The following FIRRM variants were observed in gnomAD, a reference collection of about 807,000 sequenced individuals.
The protein encoded by FIRRM is FIGNL1-interacting regulator of recombination and mitosis.
the FIRRM span, chr1:169,795,335 C>G: frequency 7.1e-7 from 1 of 1,417,654 alleles, no homozygotes; most frequent in Non-Finnish European, 9.3e-7. Flanking sequence ...TGAACCCCCT[C>G]TTTTCTTTGT....
the FIRRM span, chr1:169,847,740 T>G: frequency 2.7e-5 from 43 of 1,613,614 alleles, no homozygotes; most frequent in Middle Eastern, 1.6e-4. Context: ...CTGACTATGT[T>G]CGTTTGGCAA....
the FIRRM span, among the ~76,000 whole-genome samples, chr1:169,817,404 G>A: frequency 6.6e-6 from 1 of 152,164 alleles, no homozygotes; most frequent in African/African-American, 2.4e-5. Flanking sequence ...ATAATTGACT[G>A]GGGATTTTGG....
At chr1:169,803,169 A>C in the FIRRM span, 1 of 1,612,438 alleles carries the variant, frequency 6.2e-7, no homozygotes, top group Non-Finnish European at 8.5e-7. Context: ...TTATTCACAG[A>C]CAATGGTGCA....
chr1:169,795,069 G>T, the FIRRM span: 2 of 1,499,196 alleles, frequency 1.3e-6, no homozygotes, highest in Non-Finnish European at 1.8e-6. Flanking sequence ...GGCTTTGGCG[G>T]GTCTGGTTTG....
chr1:169,851,614 C>G, the FIRRM span: 1 of 642,644 alleles, frequency 1.6e-6, no homozygotes, highest in Non-Finnish European at 2.6e-6. Flanking sequence ...AAAGACAACT[C>G]TATAACTAAC....
chr1:169,816,537 C>T, the FIRRM span, among the ~76,000 whole-genome samples: 1 of 152,298 alleles, frequency 6.6e-6, no homozygotes, highest in East Asian at 1.9e-4. Context: ...GTATAAAGTA[C>T]AGCAAGAATA....
chr1:169,814,960 T>C, the FIRRM span, among the ~76,000 whole-genome samples: 1 of 151,710 alleles, frequency 6.6e-6, no homozygotes, highest in South Asian at 2.1e-4. Context: ...ATAAAAAAAG[T>C]TTTGTTTTTT....
the FIRRM span, chr1:169,795,037 G>T: frequency 7.8e-7 from 1 of 1,280,352 alleles, no homozygotes; most frequent in Non-Finnish European, 1.1e-6. Flanking sequence ...AAGGGTTGGC[G>T]GGACTGCGAG....
the FIRRM span, chr1:169,827,708 A>G: frequency 6.2e-7 from 1 of 1,613,758 alleles, no homozygotes; most frequent in African/African-American, 1.3e-5. Context: ...TATTACATGT[A>G]AGACCTGCCA....
the FIRRM span, among the ~76,000 whole-genome samples, chr1:169,820,386 C>G: frequency 6.6e-6 from 1 of 152,172 alleles, no homozygotes; most frequent in Non-Finnish European, 1.5e-5. Flanking sequence ...AAAAGCTCCC[C>G]ACGTCCCATG....
At chr1:169,843,698 C>T in the FIRRM span, 1 of 1,612,904 alleles carries the variant, frequency 6.2e-7, no homozygotes, top group Admixed American at 1.7e-5. Flanking sequence ...TTATGTTCAA[C>T]AGACATTCAG....
At chr1:169,793,851 T>C in the FIRRM span, 2 of 563,616 alleles carry the variant, frequency 3.5e-6, no homozygotes, top group African/African-American at 2.0e-5. Context: ...TTTAGAGATA[T>C]TTCCAAATGA....
the FIRRM span, among the ~76,000 whole-genome samples, chr1:169,819,887 G>C: frequency 6.6e-6 from 1 of 152,120 alleles, no homozygotes; most frequent in Admixed American, 6.5e-5. Context: ...GATTGAACCC[G>C]GGCCGCCAGC....
chr1:169,796,564 A>G, the FIRRM span, among the ~76,000 whole-genome samples: 6 of 152,236 alleles, frequency 3.9e-5, no homozygotes, highest in African/African-American at 1.2e-4. Flanking sequence ...TCTTGAATCA[A>G]TCCGTTTATC....
At chr1:169,824,853 A>G in the FIRRM span, among the ~76,000 whole-genome samples, 1 of 152,130 alleles carries the variant, frequency 6.6e-6, no homozygotes, top group Admixed American at 6.5e-5. Flanking sequence ...GTCTATTATC[A>G]TTTAGTCTCA....
the FIRRM span, chr1:169,850,157 TCTTA>T: frequency 1.6e-5 from 11 of 669,118 alleles, no homozygotes; most frequent in Non-Finnish European, 2.4e-5. Flanking sequence ...CCTCTGGGAC[TCTTA>T]CTTAAAATGA....
At chr1:169,806,060 C>T in the FIRRM span, 1 of 1,597,768 alleles carries the variant, frequency 6.3e-7, no homozygotes, top group Non-Finnish European at 8.5e-7. Context: ...CCATGCATTT[C>T]ATGCCAATAC....
chr1:169,853,061 G>T, the FIRRM span: 1 of 1,436,062 alleles, frequency 7.0e-7, no homozygotes, highest in African/African-American at 1.4e-5. Flanking sequence ...TTTTCTAACA[G>T]ATATAAAACA....
At chr1:169,830,868 A>C in the FIRRM span, 1 of 931,604 alleles carries the variant, frequency 1.1e-6, no homozygotes, top group East Asian at 2.5e-5. Context: ...TTGTTTTGAC[A>C]GTCTTTGTCT....
Sources: gnomAD v4.1 joint callset for allele counts (sites outside exome capture counted in the v4.1 genomes callset) on GRCh38, gnomAD v4.1.1 for gene constraint, MANE v1.5 for transcripts, NCBI Gene and HGNC (gene_info 2026-07-23, HGNC 2026-07-21) for gene names.